Variants in ATP11B observed in about 807,000 individuals in gnomAD.
ATP11B encodes ATPase phospholipid transporting 11B (putative), also known as phospholipid-transporting ATPase IF.
In ATP11B, 81 loss-of-function variants were observed where a neutral mutation model predicts 157.8. The ratio of observed to expected loss-of-function variants is 0.51; its 90% CI spans 0.43 to 0.62. The LOEUF (loss-of-function observed/expected upper bound fraction) is 0.62, where lower values mean the gene tolerates loss of function less well. ATP11B is among the 20% of genes least tolerant of loss of function. The pLI is 0.00. For synonymous variants in ATP11B, 451 were observed against 469.4 expected, an observed-to-expected ratio of 0.96 and a Z score of 0.51; for missense variants, 1,165 against 1,402.2, an observed-to-expected ratio of 0.83 and a Z score of 2.70.
In ATP11B at chr3:182,869,043, T is replaced by TA. The variant is rs1560101006; in HGVS notation, c.1689-32dup. On this transcript the variant is annotated intron_variant, in intron 15 of 29. Coordinates refer to ENST00000323116, the MANE Select transcript of ATP11B (RefSeq NM_014616.3). ...TCACTTAATATTATTTTAAAAAAAG[T>TA]AAAGTTTTTGTCTTTCTTACTTTCT... 2.1e-6 allele frequency: 3 copies of TA among 1,433,728 alleles called. No individual in the cohort carries two copies. In the Admixed American group the frequency reaches 6.2e-5, roughly 30 times the overall value. 88.8% of individuals were successfully genotyped at this position (1,433,728 alleles called of 1,614,324 possible). A position where few individuals can be genotyped will look rare whatever the true frequency, so the allele number is the denominator to read the frequency against.
intron 10 of ATP11B, among the ~76,000 whole-genome samples, chr3:182,853,713 T>C (rs1297795923): frequency 1.3e-5 from 2 of 152,224 alleles, no homozygotes; most frequent in Non-Finnish European, 2.9e-5. Context: ...AAGCTCAGTA[T>C]TGTTAAGCTG....
rs2108515898 is a variant in ATP11B at position 182,842,063 on chromosome 3, A to AT, written c.657-6dup. 6.3e-7 allele frequency: 1 copy of AT among 1,589,938 alleles called. No individual in the cohort carries two copies. Among genetic ancestry groups the AT allele is most frequent in the South Asian group, 1.1e-5 (1 of 89,494 alleles). On this transcript the variant is annotated splice_polypyrimidine_tract_variant and intron_variant, in intron 7 of 29. Transcript: ENST00000323116. Reference sequence around the variant, plus strand: ...GATATTATATGTTTTTGTAATGTGAATTTTTTGATAGATTCATGGGACGAA... The same window carrying AT: ...GATATTATATGTTTTTGTAATGTGAATTTTTTTGATAGATTCATGGGACGAA...
chr3:182,867,213 G>C (rs1250951269), intron 14 of ATP11B, among the ~76,000 whole-genome samples, 163 bp from the exon 15 acceptor site: 1,997 of 152,172 alleles, frequency 0.013, 42 homozygotes, highest in African/African-American at 0.047. Flanking sequence ...ACAGGCATGA[G>C]CCACCACTCC....
At chr3:182,896,224 T>C (rs1723540422) in intron 25 of ATP11B, among the ~76,000 whole-genome samples, 1 of 152,238 alleles carries the variant, frequency 6.6e-6, no homozygotes, top group Non-Finnish European at 1.5e-5. Context: ...TGATCCATTA[T>C]CCTTCCTTTC....
In ATP11B at chr3:182,793,801, C is replaced by T. The variant is rs762765432; in HGVS notation, c.27+15C>T. ...GGCAGCAGCTGGTAGGTGCCCCCGC[C>T]CCTCCACCTCCATTCGTCCGCCCCC... On this transcript the variant is annotated intron_variant, in intron 1 of 29. Transcript: ENST00000323116. 2.4e-5 allele frequency: 33 copies of T among 1,365,884 alleles called. No individual in the cohort carries two copies. Among genetic ancestry groups the T allele is most frequent in the East Asian group, 9.7e-5 (3 of 30,910 alleles). 84.6% of individuals were successfully genotyped at this position (1,365,884 alleles called of 1,614,324 possible). A position where few individuals can be genotyped will look rare whatever the true frequency, so the allele number is the denominator to read the frequency against.
chr3:182,880,760 T>C (rs1722367512), intron 20 of ATP11B, 119 bp from the exon 21 acceptor site: 1 of 492,154 alleles, frequency 2.0e-6, no homozygotes, highest in Non-Finnish European at 3.4e-6. Context: ...TATTGTCTAA[T>C]AAAAAATTAA....
intron 2 of ATP11B, among the ~76,000 whole-genome samples, chr3:182,827,651 G>A (rs979428936): frequency 2.7e-5 from 4 of 150,356 alleles, no homozygotes; most frequent in Non-Finnish European, 3.0e-5. Context: ...AACATTCTAG[G>A]TTATTTCCTC....
intron 1 of ATP11B, among the ~76,000 whole-genome samples, chr3:182,813,608 C>T (rs1716799252): frequency 6.6e-6 from 1 of 152,068 alleles, no homozygotes; most frequent in Non-Finnish European, 1.5e-5. Flanking sequence ...TCCTGCTAGC[C>T]CCTCTTATAC....
At chr3:182,870,904 G>A (rs1314650244) in intron 17 of ATP11B, among the ~76,000 whole-genome samples, 14 of 145,840 alleles carry the variant, frequency 9.6e-5, no homozygotes, top group East Asian at 8.3e-4. Context: ...CTCCAGCCTG[G>A]GCAACAGAGC....
chr3:182,833,186 A>G (rs1186398929), intron 4 of ATP11B, among the ~76,000 whole-genome samples: 1 of 152,202 alleles, frequency 6.6e-6, no homozygotes, highest in African/African-American at 2.4e-5. Context: ...CAATTTGGGA[A>G]TTAATCAGTT....
At chr3:182,880,513 TTC>T (rs2108559183) in intron 20 of ATP11B, among the ~76,000 whole-genome samples, 1 of 152,302 alleles carries the variant, frequency 6.6e-6, no homozygotes, top group African/African-American at 2.4e-5. Context: ...AAACAATTAT[TTC>T]TTTCATATCA....
At chr3:182,855,418 T>G (rs568126539) in intron 10 of ATP11B, among the ~76,000 whole-genome samples, 1 of 152,302 alleles carries the variant, frequency 6.6e-6, no homozygotes, top group Non-Finnish European at 1.5e-5. Context: ...AGATTTAATG[T>G]AAAACAAACT....
In ATP11B at chr3:182,916,955, A is replaced by G. The variant is rs139034326; in HGVS notation, c.3453-1068A>G. The G allele has an allele frequency of 7.1e-5, 70 of 982,948 alleles. 1 individual carries two copies. The East Asian group carries it at 5.7e-3, about 80-fold the overall frequency. The allele number at this position is 982,948 out of a possible 1,614,324, so 60.9% of individuals were successfully genotyped here. ...CTCATTTTATTCATTTATTCTGCAAATACTGGGTGCCCAATATATGTCAGA... is the reference window on the plus strand; with the variant it reads ...CTCATTTTATTCATTTATTCTGCAAGTACTGGGTGCCCAATATATGTCAGA... On this transcript the variant is annotated intron_variant, in intron 29 of 29. Transcript: ENST00000323116.
chr3:182,827,875 T>G (rs1200697213), intron 2 of ATP11B, among the ~76,000 whole-genome samples: 1 of 151,938 alleles, frequency 6.6e-6, no homozygotes, highest in Non-Finnish European at 1.5e-5. Context: ...AGCAAAATTG[T>G]TGGGTTTCAG....
chr3:182,810,473 A>C (rs1376737662), intron 1 of ATP11B, among the ~76,000 whole-genome samples: 1 of 152,052 alleles, frequency 6.6e-6, no homozygotes, highest in African/African-American at 2.4e-5. Context: ...CCCTGCGTAG[A>C]CATGCTTTAC....
chr3:182,896,959 C>T (rs1378719036), intron 26 of ATP11B, among the ~76,000 whole-genome samples, 194 bp downstream of exon 26: 1 of 152,074 alleles, frequency 6.6e-6, no homozygotes, highest in Non-Finnish European at 1.5e-5. Context: ...TGGGAAGCCT[C>T]AGCTGATATT....
chr3:182,856,038 C>CCTGA (rs747101866), intron 10 of ATP11B, among the ~76,000 whole-genome samples: 1 of 152,128 alleles, frequency 6.6e-6, no homozygotes, highest in Non-Finnish European at 1.5e-5. Flanking sequence ...GGGCATTTAA[C>CCTGA]TCAGAGAAAT....
At chr3:182,864,433 C>T (rs1392798525) in intron 12 of ATP11B, among the ~76,000 whole-genome samples, 2 of 152,004 alleles carry the variant, frequency 1.3e-5, no homozygotes, top group Non-Finnish European at 2.9e-5. Flanking sequence ...CCTTTTTATT[C>T]CAGTTTGTTG....
intron 7 of ATP11B, 98 bp from the exon 8 acceptor site, chr3:182,841,977 C>CAAAAA (rs11401208): frequency 7.7e-4 from 277 of 362,038 alleles, no homozygotes; most frequent in South Asian, 1.0e-3. Context: ...AGACTCGTCT[C>CAAAAA]AAAAAAAAAA....
Sources: gnomAD v4.1 joint callset for allele counts (sites outside exome capture counted in the v4.1 genomes callset) on GRCh38, gnomAD v4.1.1 for gene constraint, MANE v1.5 for transcripts, NCBI Gene and HGNC (gene_info 2026-07-23, HGNC 2026-07-21) for gene names.